MYO16: variants seen among roughly 807,000 people sequenced by gnomAD.
MYO16 encodes the protein unconventional myosin-XVI.
In MYO16, 94 loss-of-function variants were observed where a neutral mutation model predicts 205.3. The ratio of observed to expected loss-of-function variants is 0.46; its 90% CI spans 0.39 to 0.54. The LOEUF (loss-of-function observed/expected upper bound fraction) is 0.54. MYO16 is among the 20% of genes least tolerant of loss of function. The pLI, the probability that MYO16 is intolerant of heterozygous loss-of-function variation, is 0.00. For synonymous variants in MYO16, 988 were observed against 954.0 expected, an observed-to-expected ratio of 1.04 and a Z score of -0.66; for missense variants, 2,315 against 2,387.5, an observed-to-expected ratio of 0.97 and a Z score of 0.63.
chr13:108,967,153 A>ATGTGTGTGTGTGTGTGTG (rs568054141), intron 20 of MYO16, among the ~76,000 whole-genome samples: 1 of 150,848 alleles, frequency 6.6e-6, no homozygotes, highest in African/African-American at 2.5e-5. Context: ...CTGACTATAT[A>ATGTGTGTGTGTGTGTGTG]TATGTGTGTG....
intron 12 of MYO16, among the ~76,000 whole-genome samples, chr13:108,869,149 G>A (rs897720851): frequency 1.3e-5 from 2 of 152,052 alleles, no homozygotes; most frequent in African/African-American, 4.8e-5. Flanking sequence ...ATTTTGGGGC[G>A]CTGAGGGGAC....
rs1887579800 is a variant in MYO16, at chr13:109,061,132, T to C, written c.3335+5537T>C. On this transcript the variant is annotated intron_variant, in intron 27 of 34. Coordinates refer to ENST00000457511, the MANE Select transcript of MYO16 (RefSeq NM_001198950.3). ...CTCACCTCTCTCAGCCTTCATAAAA[T>C]TGAAGAGTTAGGGCCTTTCTCTGGA... 2.0e-5 allele frequency among the ~76,000 whole-genome samples: 3 copies of C among 152,272 alleles called. No homozygotes were observed. In the South Asian group the frequency reaches 6.2e-4, roughly 32 times the overall value.
intron 4 of MYO16, among the ~76,000 whole-genome samples, chr13:108,771,702 A>G (rs185904283): frequency 6.6e-6 from 1 of 152,232 alleles, no homozygotes; most frequent in East Asian, 1.9e-4. Context: ...TGTTGTCTCC[A>G]TAGTTTTATC....
At chr13:109,128,196 T>TTGATCACCC (rs1435133595) in intron 31 of MYO16, among the ~76,000 whole-genome samples, 1 of 152,248 alleles carries the variant, frequency 6.6e-6, no homozygotes, top group Non-Finnish European at 1.5e-5. Context: ...ACAGATTCTA[T>TTGATCACCC]TGATCACCCG....
the MYO16 span, among the ~76,000 whole-genome samples, chr13:108,497,082 G>C: frequency 1.3e-5 from 2 of 152,172 alleles, no homozygotes; most frequent in African/African-American, 4.8e-5. Context: ...GTCTATCCAT[G>C]CATCTCCCAG....
At chr13:108,900,824 C>CT (rs1173370010) in intron 15 of MYO16, among the ~76,000 whole-genome samples, 1 of 152,202 alleles carries the variant, frequency 6.6e-6, no homozygotes, top group African/African-American at 2.4e-5. Flanking sequence ...ACCTTAAACT[C>CT]TGACTGCCAG....
At chr13:108,887,509 T>C (rs149900463) in intron 13 of MYO16, among the ~76,000 whole-genome samples, 13 of 152,322 alleles carry the variant, frequency 8.5e-5, no homozygotes, top group Non-Finnish European at 1.5e-4. Context: ...ATAATTATTT[T>C]GTGGGAATTT....
chr13:108,724,173 C>T lies in MYO16; in HGVS notation c.364-3267C>T, dbSNP rs146184282. ...AGTGATCTTGTATCTTTCAAATTTGCTATCTTAATTATTGGTTCTAATAAC... is the reference window on the plus strand; with the variant it reads ...AGTGATCTTGTATCTTTCAAATTTGTTATCTTAATTATTGGTTCTAATAAC... On this transcript the variant is annotated intron_variant, in intron 3 of 34. Coordinates refer to ENST00000457511, the MANE Select transcript of MYO16 (RefSeq NM_001198950.3). Among the ~76,000 whole-genome samples, 564 of 152,216 alleles carry T rather than the reference C, an allele frequency of 3.7e-3. 5 individuals carry two copies. Among genetic ancestry groups the T allele is most frequent in the Non-Finnish European group, 6.1e-3 (415 of 67,996 alleles).
chr13:108,673,899 T>G (rs1594197854), intron 2 of MYO16, among the ~76,000 whole-genome samples: 1 of 152,150 alleles, frequency 6.6e-6, no homozygotes, highest in East Asian at 1.9e-4. Context: ...ATCACTCCCC[T>G]GGTCTTCCAG....
intron 16 of MYO16, among the ~76,000 whole-genome samples, chr13:108,937,973 T>C (rs1426575966): frequency 6.6e-6 from 1 of 152,238 alleles, no homozygotes; most frequent in East Asian, 1.9e-4. Flanking sequence ...GGTAGCAGAA[T>C]TATTGCAGTG....
At chr13:108,751,271 C>G (rs1312793374) in intron 4 of MYO16, among the ~76,000 whole-genome samples, 1 of 151,986 alleles carries the variant, frequency 6.6e-6, no homozygotes, top group Non-Finnish European at 1.5e-5. Context: ...ACAAGAAAAG[C>G]CTGCATCAGC....
chr13:108,951,044 T>C lies in MYO16; in HGVS notation c.1926-6644T>C, dbSNP rs535666503. 1.5e-4 allele frequency among the ~76,000 whole-genome samples: 23 copies of C among 149,738 alleles called. No homozygotes were observed. The South Asian group carries it at 4.9e-3, about 32-fold the overall frequency. ...AAGCATTACCTTCCTCAAAACGTTT[T>C]TTTGTTTTTGTTTTTTACTTTAAGT... On this transcript the variant is annotated intron_variant, in intron 16 of 34. Transcript: ENST00000457511.
intron 14 of MYO16, among the ~76,000 whole-genome samples, chr13:108,894,453 G>C (rs557070314): frequency 6.6e-6 from 1 of 152,214 alleles, no homozygotes; most frequent in African/African-American, 2.4e-5. Flanking sequence ...CAAAATGAAA[G>C]GGTTTGGGTG....
intron 34 of MYO16, among the ~76,000 whole-genome samples, chr13:109,183,923 A>C (rs1879563805): frequency 6.6e-6 from 1 of 152,232 alleles, no homozygotes; most frequent in Non-Finnish European, 1.5e-5. Context: ...GGTTTGCTTT[A>C]CTGAATGATC....
At chr13:108,573,859 A>T in the MYO16 span, among the ~76,000 whole-genome samples, 5 of 152,168 alleles carry the variant, frequency 3.3e-5, no homozygotes, top group East Asian at 9.7e-4. Flanking sequence ...TTGTTTATTT[A>T]TTTATGTTTA....
intron 4 of MYO16, among the ~76,000 whole-genome samples, chr13:108,756,050 A>T (rs1017681388): frequency 6.6e-6 from 1 of 152,112 alleles, no homozygotes. Context: ...TTTTATTGTC[A>T]CTGAGTTCTC....
At chr13:108,564,119 C>T in the MYO16 span, among the ~76,000 whole-genome samples, 7 of 151,150 alleles carry the variant, frequency 4.6e-5, no homozygotes, top group African/African-American at 1.5e-4. Context: ...TTCATATGCC[C>T]GTTTCATTTG....
At chr13:109,116,856 C>G (rs1566514045) in intron 28 of MYO16, among the ~76,000 whole-genome samples, 1 of 152,084 alleles carries the variant, frequency 6.6e-6, no homozygotes, top group Non-Finnish European at 1.5e-5. Flanking sequence ...GAGAGGAAGG[C>G]AGACACTTGC....
chr13:108,555,823 CCA>C, the MYO16 span, among the ~76,000 whole-genome samples: 1 of 152,246 alleles, frequency 6.6e-6, no homozygotes, highest in African/African-American at 2.4e-5. Flanking sequence ...TTTTTTGATT[CCA>C]CATATAAGTG....
Sources: gnomAD v4.1 joint callset for allele counts (sites outside exome capture counted in the v4.1 genomes callset) on GRCh38, gnomAD v4.1.1 for gene constraint, MANE v1.5 for transcripts, NCBI Gene and HGNC (gene_info 2026-07-23, HGNC 2026-07-21) for gene names.